The following PARVB variants were observed in gnomAD, a reference collection of about 807,000 sequenced individuals.
PARVB encodes parvin beta, also known as beta-parvin.
Under a neutral mutation model 47.0 loss-of-function variants are expected in PARVB, and 46 were observed. That is an observed-to-expected ratio of 0.98 (90% CI 0.77 to 1.25). PARVB has a LOEUF of 1.25. Ranked by LOEUF, PARVB falls within the 50% of genes most tolerant of loss-of-function variation. PARVB has a pLI of 0.00. For missense variants in PARVB, 473 were observed against 471.6 expected (o/e 1.00, Z -0.03); for synonymous variants, 196 against 196.3 (o/e 1.00, Z 0.01).
At chr22:44,048,721 C>T (rs1167664376) in intron 1 of PARVB, among the ~76,000 whole-genome samples, 1 of 152,144 alleles carries the variant, frequency 6.6e-6, no homozygotes, top group Non-Finnish European at 1.5e-5. Flanking sequence ...GCCACCATGC[C>T]TGGCTAATCT....
At chr22:44,057,641 C>T (rs1041026835) in intron 1 of PARVB, among the ~76,000 whole-genome samples, 6 of 151,972 alleles carry the variant, frequency 3.9e-5, no homozygotes, top group East Asian at 1.9e-4. Flanking sequence ...TTGCAGTTCA[C>T]GGTTTGTCTT....
At chr22:44,085,720 T>G (rs906955027) in intron 1 of PARVB, among the ~76,000 whole-genome samples, 4 of 152,268 alleles carry the variant, frequency 2.6e-5, no homozygotes, top group East Asian at 1.9e-4. Context: ...GGCTGCTGGG[T>G]GGAAGTGACC....
chr22:44,132,840 C>G, intron 5 of PARVB, 54 bp from the exon 6 acceptor site: 1 of 1,240,732 alleles, frequency 8.1e-7, no homozygotes, highest in Non-Finnish European at 1.2e-6. Context: ...CACGTGGGCT[C>G]AGGTTCCTGT....
Position 44,049,725 on chromosome 22 carries a change from C to T in PARVB, c.112+25274C>T, listed in dbSNP as rs1234497469. Among the ~76,000 whole-genome samples, 1 of 152,258 alleles carries T rather than the reference C, an allele frequency of 6.6e-6. No homozygotes were observed. The highest frequency in any genetic ancestry group is 1.5e-5 in the Non-Finnish European group (1 of 68,042). ...GCTGCCATAGCCCTGGAGATACTGGCTGGAAATCAAATTCAAATTGGTGCT... is the reference window on the plus strand; with the variant it reads ...GCTGCCATAGCCCTGGAGATACTGGTTGGAAATCAAATTCAAATTGGTGCT... On this transcript the variant is annotated intron_variant, in intron 1 of 12. Transcript: ENST00000338758. This position sits in a 1 kb window ranked among gnomAD's most constrained non-coding sequence, Gnocchi z 4.0.
At chr22:44,023,541 A>AC (rs202138296), upstream of PARVB, among the ~76,000 whole-genome samples, 1 of 28,712 alleles carries the variant, frequency 3.5e-5, no homozygotes, top group Middle Eastern at 0.015. Flanking sequence ...ACAAAACAAA[A>AC]TAAAATAAAA....
At chr22:44,161,349 T>C (rs564318374) in intron 11 of PARVB, among the ~76,000 whole-genome samples, 19 of 148,180 alleles carry the variant, frequency 1.3e-4, no homozygotes, top group Admixed American at 1.1e-3. Context: ...AATCTCACTC[T>C]CTCACCCAGG....
At chr22:44,099,171 G>C (rs953323684) in intron 2 of PARVB, among the ~76,000 whole-genome samples, 1 of 152,192 alleles carries the variant, frequency 6.6e-6, no homozygotes, top group Admixed American at 6.5e-5. Context: ...AGAGCCTCCC[G>C]GTGAGTGGAG....
At chr22:43,999,617 T>C in exon 2 of PARVB, 1 of 1,613,904 alleles carries the variant, frequency 6.2e-7, no homozygotes, top group Non-Finnish European at 8.5e-7. Context: ...GCTGGTTCAC[T>C]TCTCCCTGGC....
chr22:44,146,867 T>A (rs1475234162), intron 8 of PARVB: 1 of 152,490 alleles, frequency 6.6e-6, no homozygotes, highest in Non-Finnish European at 1.5e-5. Flanking sequence ...GGCTTGGTCC[T>A]CTGAACATGC....
chr22:44,016,136 G>A (rs574049591), intron 2 of PARVB, among the ~76,000 whole-genome samples: 46 of 130,708 alleles, frequency 3.5e-4, no homozygotes, highest in Admixed American at 5.7e-4. Flanking sequence ...TCGCTCTGTC[G>A]CCCAGGCTGG....
chr22:44,033,229 A>G (rs2050856293), intron 1 of PARVB, among the ~76,000 whole-genome samples: 1 of 152,078 alleles, frequency 6.6e-6, no homozygotes, highest in Non-Finnish European at 1.5e-5. Flanking sequence ...TTTAGTAAAG[A>G]CAGGATTTCA....
At chr22:44,027,031 G>A (rs2146882948) in intron 1 of PARVB, among the ~76,000 whole-genome samples, 1 of 152,162 alleles carries the variant, frequency 6.6e-6, no homozygotes, top group South Asian at 2.1e-4. Context: ...GAGCTTCACG[G>A]TGGGCGTGAT....
intron 1 of PARVB, among the ~76,000 whole-genome samples, chr22:44,071,494 T>C (rs764936576): frequency 6.6e-6 from 1 of 151,794 alleles, no homozygotes; most frequent in African/African-American, 2.4e-5. Flanking sequence ...AGAAAAGGGG[T>C]CCCCAGGCTC....
intron 1 of PARVB, chr22:44,026,166 A>C (rs62226386): frequency 0.088 from 19,598 of 223,728 alleles, 1,038 homozygotes; most frequent in Non-Finnish European, 0.12. Flanking sequence ...CACCCAAAGT[A>C]ATGGACTGGG....
rs2053175607 is a variant in PARVB, at chr22:44,125,912, G to C, written c.377-5575G>C. ...AGTAGCTCAGCCCCCAGAGTGGAAGGGCAGACATGGGGAGGTACTGTACAG... is the reference window on the plus strand; with the variant it reads ...AGTAGCTCAGCCCCCAGAGTGGAAGCGCAGACATGGGGAGGTACTGTACAG... On this transcript the variant is annotated intron_variant, in intron 4 of 12. Coordinates refer to ENST00000338758, the MANE Select transcript of PARVB (RefSeq NM_013327.5). This position sits in a 1 kb window ranked among gnomAD's most constrained non-coding sequence, Gnocchi z 4.1. Among the ~76,000 whole-genome samples the C allele has an allele frequency of 6.6e-6, 1 of 152,156 alleles. No homozygotes were observed. The highest frequency in any genetic ancestry group is 1.5e-5 in the Non-Finnish European group (1 of 68,032).
intron 1 of PARVB, among the ~76,000 whole-genome samples, chr22:44,042,648 A>G (rs2051040058): frequency 6.6e-6 from 1 of 152,250 alleles, no homozygotes; most frequent in Non-Finnish European, 1.5e-5. Flanking sequence ...TATTATTAGT[A>G]TAATGAGATT....
At chr22:44,000,137 T>G (rs2050399840) in intron 2 of PARVB, among the ~76,000 whole-genome samples, 1 of 152,260 alleles carries the variant, frequency 6.6e-6, no homozygotes, top group African/African-American at 2.4e-5. Flanking sequence ...GGAGAAGATC[T>G]TGGTGTATTC....
At chr22:44,073,516 C>T (rs2051700155) in intron 1 of PARVB, among the ~76,000 whole-genome samples, 1 of 152,116 alleles carries the variant, frequency 6.6e-6, no homozygotes. Context: ...TGAATGAATA[C>T]GACCATACCT....
chr22:44,024,408 C>A lies in PARVB; in HGVS notation c.69C>A (p.Gly23=). The change falls in exon 1 of 13, where the codon GGC becomes GGA. Residue 23 remains glycine, a synonymous_variant. Transcript: ENST00000338758. ...TGAAGAAGGACGAGTCGTTCCTGGG[C>A]AAGCTGGGCGGCACCCTGGCCAGGA... ...RRMKKDESFL[G]KLGGTLARKR... is the part of the protein sequence containing the mutation. 14 of 1,260,272 alleles carry A rather than the reference C, an allele frequency of 1.1e-5. No individual in the cohort carries two copies. Among genetic ancestry groups the A allele is most frequent in the East Asian group, 4.0e-5 (1 of 24,908 alleles). The allele number at this position is 1,260,272 out of a possible 1,614,324, so 78.1% of individuals were successfully genotyped here. A position where few individuals can be genotyped will look rare whatever the true frequency, so the allele number is the denominator to read the frequency against.
Sources: allele counts gnomAD v4.1 joint callset (sites outside exome capture counted in the v4.1 genomes callset), GRCh38; gene constraint gnomAD v4.1.1; non-coding constraint Gnocchi (gnomAD v3.1); transcripts MANE v1.5; gene names NCBI Gene and HGNC (gene_info 2026-07-23, HGNC 2026-07-21).